ITSN1: variants seen among roughly 807,000 people sequenced by gnomAD.
ITSN1 encodes intersectin 1, also known as intersectin-1.
Under a neutral mutation model 239.8 loss-of-function variants are expected in ITSN1, and 58 were observed. The observed-to-expected ratio is 0.24, with a 90% CI of 0.20 to 0.30. ITSN1 has a LOEUF of 0.30. Ranked by LOEUF, ITSN1 falls within the 10% of genes least tolerant of loss-of-function variation. The pLI is 1.00. For synonymous variants in ITSN1, 780 were observed against 770.8 expected (o/e 1.01, Z -0.20); for missense variants, 1,558 against 2,103.3 (o/e 0.74, Z 5.07).
chr21:33,758,421 G>A (rs75209094), intron 8 of ITSN1, among the ~76,000 whole-genome samples: 103 of 152,300 alleles, frequency 6.8e-4, no homozygotes, highest in African/African-American at 2.2e-3. Flanking sequence ...GGCCTTAATA[G>A]TGGCACTGTT....
At chr21:33,814,139 C>T (rs2073109069) in intron 22 of ITSN1, 67 bp downstream of exon 22, 2 of 1,494,448 alleles carry the variant, frequency 1.3e-6, no homozygotes, top group Non-Finnish European at 1.8e-6. Context: ...TCAGCAAATG[C>T]TTTTTGGCAA....
chr21:33,851,778 C>CTTTTTTTTTTTTTTTTTTTTTTCTT (rs35567402), intron 29 of ITSN1, among the ~76,000 whole-genome samples: 1 of 66,214 alleles, frequency 1.5e-5, no homozygotes, highest in Non-Finnish European at 2.6e-5. Flanking sequence ...CTTTTCTTTC[C>CTTTTTTTTTTTTTTTTTTTTTTCTT]TTTTTTTTTT....
At chr21:33,680,291 GT>G (rs1241547057) in intron 1 of ITSN1, among the ~76,000 whole-genome samples, 1 of 148,666 alleles carries the variant, frequency 6.7e-6, no homozygotes, top group Non-Finnish European at 1.5e-5. Flanking sequence ...GCTGAGGAAT[GT>G]TTTCATTGGT....
intron 26 of ITSN1, chr21:33,828,949 G>T (rs1213124691): frequency 4.2e-6 from 2 of 471,144 alleles, no homozygotes; most frequent in East Asian, 6.9e-5. Context: ...TTTGCATAAA[G>T]TTCCCTTCTT....
chr21:33,837,799 A>C (rs899980730), intron 29 of ITSN1: 6 of 985,832 alleles, frequency 6.1e-6, no homozygotes, highest in Non-Finnish European at 7.2e-6. Flanking sequence ...TCGGTCTCAG[A>C]TTTATCTGGT....
chr21:33,879,357 AAAAG>A (rs1486134717), intron 34 of ITSN1, among the ~76,000 whole-genome samples: 6 of 152,152 alleles, frequency 3.9e-5, no homozygotes, highest in African/African-American at 1.4e-4. Context: ...TCTCAGAAAA[AAAAG>A]AAAGATTGAG....
In ITSN1 at chr21:33,772,237, C is replaced by G; in HGVS notation, c.1219C>G (p.Leu407Val). The G allele has an allele frequency of 6.2e-7, 1 of 1,608,316 alleles. No individual in the cohort carries two copies. The highest frequency in any genetic ancestry group is 8.5e-7 in the Non-Finnish European group (1 of 1,177,124). The change falls in exon 12 of 40, where the codon CTG (leucine) becomes GTG (valine). Residue 407 changes from leucine to valine, a missense_variant. By Grantham distance (32) the Leu-to-Val change is conservative. Transcript: ENST00000381318. ...CCAGGAGCAAGAGCGCAAAAGACAA[C>G]TGGAACTGGAGAAGCAACTGGAAAA... ...ERQEQERKRQ[L>V]ELEKQLEKQR...
At chr21:33,875,031 T>G (rs551472021) in intron 33 of ITSN1, among the ~76,000 whole-genome samples, 41 of 152,366 alleles carry the variant, frequency 2.7e-4, no homozygotes, top group African/African-American at 9.1e-4. Context: ...CATGTGTGGC[T>G]TGGGGTCCAC....
chr21:33,651,882 A>G (rs963903615), intron 1 of ITSN1, among the ~76,000 whole-genome samples: 1 of 152,220 alleles, frequency 6.6e-6, no homozygotes, highest in African/African-American at 2.4e-5. Context: ...TTTAAACCAC[A>G]GTCATTATCT....
chr21:33,883,402 G>GA, intron 35 of ITSN1, 148 bp from the exon 36 acceptor site: 2 of 1,063,490 alleles, frequency 1.9e-6, no homozygotes, highest in South Asian at 2.9e-5. Context: ...CTAGGTTACT[G>GA]AAACACACGC....
intron 16 of ITSN1, among the ~76,000 whole-genome samples, chr21:33,784,354 CTA>C (rs1320367288): frequency 6.8e-6 from 1 of 147,674 alleles, no homozygotes; most frequent in African/African-American, 2.5e-5. Context: ...CACACACACA[CTA>C]GTCAGGTATG....
intron 5 of ITSN1, among the ~76,000 whole-genome samples, chr21:33,739,464 C>T (rs2066710725): frequency 6.6e-6 from 1 of 152,122 alleles, no homozygotes; most frequent in Non-Finnish European, 1.5e-5. Flanking sequence ...TGCTGGCCAG[C>T]AAGACCTCAT....
intron 12 of ITSN1, 28 bp downstream of exon 12, chr21:33,772,351 G>A: frequency 1.3e-6 from 2 of 1,548,714 alleles, no homozygotes; most frequent in Non-Finnish European, 8.7e-7. Context: ...GAGCCACCCG[G>A]AGTTAGTGTG....
At chr21:33,787,593 G>C (rs1408567102) in intron 16 of ITSN1, among the ~76,000 whole-genome samples, 2 of 152,174 alleles carry the variant, frequency 1.3e-5, no homozygotes, top group African/African-American at 2.4e-5. Context: ...TTCATGGGAG[G>C]CTCATTCATT....
chr21:33,781,512 G>T lies in ITSN1; in HGVS notation c.1648G>T (p.Asp550Tyr). The change falls in exon 15 of 40, where the codon GAC (aspartate) becomes TAC (tyrosine). Residue 550 changes from aspartate to tyrosine, a missense_variant. Transcript: ENST00000381318. ...RLIPEKQILN[D>Y]QLKQVQQNSL... The stretch of plus-strand genomic sequence containing the variant: ...TATTCCAGAAAAACAGATACTCAAT[G>T]ACCAATTAAAACAAGTTCAGCAGAA... 2 of 1,593,388 alleles carry T rather than the reference G, an allele frequency of 1.3e-6. No homozygotes were observed. Among genetic ancestry groups the T allele is most frequent in the South Asian group, 2.3e-5 (2 of 87,596 alleles).
chr21:33,852,166 G>C (rs1030935521), intron 29 of ITSN1, among the ~76,000 whole-genome samples: 1 of 152,182 alleles, frequency 6.6e-6, no homozygotes, highest in Non-Finnish European at 1.5e-5. Flanking sequence ...GACAAGGACA[G>C]TATCTTGCTT....
At chr21:33,722,685 G>A (rs1201613950) in intron 4 of ITSN1, 34 bp downstream of exon 4, 3 of 1,527,370 alleles carry the variant, frequency 2.0e-6, no homozygotes, top group Admixed American at 2.3e-5. Context: ...TTTTACATAA[G>A]CATAAGGCAA....
chr21:33,669,559 C>T (rs2090136744), intron 1 of ITSN1, among the ~76,000 whole-genome samples: 2 of 151,942 alleles, frequency 1.3e-5, no homozygotes, highest in South Asian at 4.2e-4. Flanking sequence ...CCTGCCTCAG[C>T]CGCCCGATTA....
chr21:33,690,776 TATATATATATATAC>T lies in ITSN1; in HGVS notation c.-32-28007_-32-27994del, dbSNP rs1336587960. On this transcript the variant is annotated intron_variant, in intron 1 of 39. Coordinates refer to ENST00000381318, the MANE Select transcript of ITSN1 (RefSeq NM_003024.3). The stretch of plus-strand genomic sequence containing the variant: ...GCTCTGCCTCAGAAAAAAAAAAGTG[TATATATATATATAC>T]ATATATATATATATATATATATATG... 2.6e-3 allele frequency among the ~76,000 whole-genome samples: 32 copies of T among 12,492 alleles called. 3 individuals carry two copies. The highest frequency in any genetic ancestry group is 0.021 in the African/African-American group (24 of 1,144). The allele number at this position is 12,492 out of a possible 152,430, so 8.2% of individuals were successfully genotyped here. A position where few individuals can be genotyped will look rare whatever the true frequency, so the allele number is the denominator to read the frequency against.
Sources: gnomAD v4.1 joint callset for allele counts (sites outside exome capture counted in the v4.1 genomes callset) on GRCh38, gnomAD v4.1.1 for gene constraint, MANE v1.5 for transcripts, NCBI Gene and HGNC (gene_info 2026-07-23, HGNC 2026-07-21) for gene names.